GPAM: variants seen among roughly 807,000 people sequenced by gnomAD.
The protein encoded by GPAM is glycerol-3-phosphate acyltransferase, mitochondrial, also known as glycerol-3-phosphate acyltransferase 1, mitochondrial.
A neutral mutation model predicts 105.0 loss-of-function variants in GPAM; 56 were observed. The ratio of observed to expected loss-of-function variants is 0.53; its 90% confidence interval spans 0.43 to 0.67. The LOEUF (loss-of-function observed/expected upper bound fraction) is 0.67. Among genes scored for constraint, GPAM ranks in the 30% least tolerant of loss-of-function variants. The pLI is 0.00. For missense variants in GPAM, 855 were observed against 989.8 expected, an observed-to-expected ratio of 0.86 and a Z score of 1.83; for synonymous variants, 368 against 354.4, an observed-to-expected ratio of 1.04 and a Z score of -0.43.
chr10:112,180,110 ATC>A (rs1277772496), intron 4 of GPAM, among the ~76,000 whole-genome samples: 1 of 152,202 alleles, frequency 6.6e-6, no homozygotes, highest in African/African-American at 2.4e-5. Flanking sequence ...CTGTCCCATT[ATC>A]TCTTTCTTAT....
At chr10:112,160,463 A>G (rs1195991200) in intron 16 of GPAM, 141 bp downstream of exon 16, 1 of 1,224,898 alleles carries the variant, frequency 8.2e-7, no homozygotes. Context: ...AGGAGATTAC[A>G]TTTTCGTTTG....
chr10:112,180,406 C>A (rs1847486304), intron 4 of GPAM, 67 bp downstream of exon 4: 2 of 1,476,910 alleles, frequency 1.4e-6, no homozygotes, highest in Admixed American at 3.3e-5. Context: ...AATAAGACTG[C>A]CTACTACAAA....
chr10:112,227,337 TAAAGG>T, the GPAM span, among the ~76,000 whole-genome samples: 1 of 152,168 alleles, frequency 6.6e-6, no homozygotes, highest in African/African-American at 2.4e-5. Flanking sequence ...GTTTGGGGGA[TAAAGG>T]AGCATGAAAG....
rs369790372 is a variant in GPAM at position 112,161,867 on chromosome 10, G to A, written c.1424-130C>T. On this transcript the variant is annotated intron_variant, in intron 14 of 21. Transcript: ENST00000348367. Reference sequence around the variant, plus strand: ...GTCTTCTATCACATTTCCCATAAGTGTGATTTACCAAAAGGAAGTTATAAT... The same window carrying A: ...GTCTTCTATCACATTTCCCATAAGTATGATTTACCAAAAGGAAGTTATAAT... 6.0e-5 allele frequency: 44 copies of A among 737,850 alleles called. No homozygotes were observed. The East Asian group carries it at 8.0e-4, about 13-fold the overall frequency. The allele number at this position is 737,850 out of a possible 1,614,324, so 45.7% of individuals were successfully genotyped here.
chr10:112,154,462 A>G (rs1370228990), intron 21 of GPAM, 167 bp downstream of exon 21: 1 of 644,710 alleles, frequency 1.6e-6, no homozygotes, highest in Admixed American at 2.5e-5. Context: ...CCTTCAACAT[A>G]GCCCAACCCA....
intron 19 of GPAM, 194 bp from the exon 20 acceptor site, chr10:112,156,247 C>CT (rs1292494290): frequency 4.9e-6 from 3 of 613,828 alleles, no homozygotes; most frequent in Non-Finnish European, 8.7e-6. Context: ...CAAACACATT[C>CT]TTTATTGTAA....
At chr10:112,209,938 C>A (rs1847892820) in intron 1 of GPAM, among the ~76,000 whole-genome samples, 2 of 152,216 alleles carry the variant, frequency 1.3e-5, no homozygotes, top group Non-Finnish European at 2.9e-5. Flanking sequence ...AGTTTGCATG[C>A]AAAGCTCACT....
intron 1 of GPAM, among the ~76,000 whole-genome samples, chr10:112,193,334 C>G (rs1334121641): frequency 6.6e-6 from 1 of 152,162 alleles, no homozygotes; most frequent in African/African-American, 2.4e-5. Flanking sequence ...GCCACTGCCA[C>G]TGGAGGTGCC....
At position 112,154,671 on chromosome 10, in the gene GPAM, A is replaced by T. The variant is rs1406129320; in HGVS notation, c.2328T>A (p.Tyr776Ter). The change falls in exon 21 of 22, where the codon TAT becomes TAA. Residue 776 changes from tyrosine to a stop codon, truncating the protein, a stop_gained. Transcript: ENST00000348367. LOFTEE classifies it high-confidence loss of function. ...NVAVYAESAT[Y>*]CLVKNAVKMF... ...TTTTCACAGCATTCTTCACAAGACA[A>T]TATGTGGCACTCTCAGCTGAAGAGA... 2 of 1,608,422 alleles carry T rather than the reference A, an allele frequency of 1.2e-6. No individual in the cohort carries two copies.
rs552300377 is a variant in GPAM at position 112,153,322 on chromosome 10, C to A, written c.*228G>T. 3.6e-6 allele frequency: 5 copies of A among 1,404,816 alleles called. No individual in the cohort carries two copies. Among genetic ancestry groups the A allele is most frequent in the Non-Finnish European group, 4.6e-6 (5 of 1,079,942 alleles). 87.0% of individuals were successfully genotyped at this position (1,404,816 alleles called of 1,614,324 possible). ...CTTGTAGTCTACGGATTATGAGTTG[C>A]GAATAGAGGCTGAGGTCCCCCCAAG... On this transcript the variant is annotated 3_prime_UTR_variant, in exon 22 of 22. Transcript: ENST00000348367.
intron 1 of GPAM, among the ~76,000 whole-genome samples, chr10:112,201,115 TAA>T (rs1335134354): frequency 6.6e-6 from 1 of 152,168 alleles, no homozygotes; most frequent in Non-Finnish European, 1.5e-5. Context: ...GGAATTATTT[TAA>T]AGAGGTAGTG....
At chr10:112,217,549 GAAAC>G (rs1847983935), upstream of GPAM, among the ~76,000 whole-genome samples, 1 of 151,888 alleles carries the variant, frequency 6.6e-6, no homozygotes, top group Non-Finnish European at 1.5e-5. Flanking sequence ...AAACAGGAAA[GAAAC>G]AAAGCAAGCG....
At chr10:112,170,227 G>A (rs1847289735) in intron 9 of GPAM, among the ~76,000 whole-genome samples, 1 of 152,196 alleles carries the variant, frequency 6.6e-6, no homozygotes, top group African/African-American at 2.4e-5. Flanking sequence ...GCCACAGTAA[G>A]GTGTTGCCAA....
intron 5 of GPAM, among the ~76,000 whole-genome samples, chr10:112,176,959 C>A (rs1298695722): frequency 6.6e-6 from 1 of 152,128 alleles, no homozygotes; most frequent in East Asian, 1.9e-4. Flanking sequence ...AAGAAACAAA[C>A]CTCTTGGCTT....
At chr10:112,186,859 CTT>C (rs1301307577), upstream of GPAM, among the ~76,000 whole-genome samples, 3 of 152,132 alleles carry the variant, frequency 2.0e-5, no homozygotes, top group Non-Finnish European at 4.4e-5. Flanking sequence ...CATTAAAACT[CTT>C]TTAAAACATG....
intron 1 of GPAM, among the ~76,000 whole-genome samples, chr10:112,195,592 T>G (rs762040495): frequency 1.4e-4 from 22 of 152,238 alleles, no homozygotes; most frequent in Admixed American, 1.0e-3. Flanking sequence ...TTCTTCCCCA[T>G]GGGAATGACC....
chr10:112,211,284 T>C (rs1288991420), intron 1 of GPAM, among the ~76,000 whole-genome samples: 1 of 152,118 alleles, frequency 6.6e-6, no homozygotes, highest in Non-Finnish European at 1.5e-5. Flanking sequence ...GAGCCCAGGA[T>C]AGGGAGTCAG....
upstream of GPAM, among the ~76,000 whole-genome samples, chr10:112,188,374 G>A (rs1287756736): frequency 1.3e-5 from 2 of 152,156 alleles, no homozygotes; most frequent in African/African-American, 2.4e-5. Flanking sequence ...TGTATACACA[G>A]TAATACAGCC....
rs1847256678 is a variant in GPAM, at chr10:112,168,466, C to T, written c.953G>A (p.Arg318His). Reference sequence around the variant, plus strand: ...ACAAGAGGTTTTTCCACTCCTAGAACGTGTGCCTTCCAGGAAGATCTCCAA... The same window carrying T: ...ACAAGAGGTTTTTCCACTCCTAGAATGTGTGCCTTCCAGGAAGATCTCCAA... Reference protein sequence around the residue: ...QFLEIFLEGTRSRSGKTSCAR... With the variant: ...QFLEIFLEGTHSRSGKTSCAR... The change falls in exon 11 of 22, where the codon CGT becomes CAT. Residue 318 changes from arginine (R) to histidine (H), a missense_variant. Transcript: ENST00000348367. The T allele has an allele frequency of 3.1e-6, 5 of 1,612,242 alleles. No individual in the cohort carries two copies. The highest frequency in any genetic ancestry group is 3.4e-6 in the Non-Finnish European group (4 of 1,178,258).
Sources: allele counts gnomAD v4.1 joint callset (sites outside exome capture counted in the v4.1 genomes callset), GRCh38; gene constraint gnomAD v4.1.1; transcripts MANE v1.5; gene names NCBI Gene and HGNC (gene_info 2026-07-23, HGNC 2026-07-21).